Variants in GDA observed in about 807,000 individuals in gnomAD.
GDA encodes cytoplasmic PSD-95 interactor.
In GDA, 18 loss-of-function variants were observed where a neutral mutation model predicts 59.6. The ratio of observed to expected loss-of-function variants is 0.30; its 90% confidence interval spans 0.21 to 0.45. The LOEUF (loss-of-function observed/expected upper bound fraction) is 0.45. Ranked by LOEUF, GDA falls within the 20% of genes least tolerant of loss-of-function variation. The probability of loss-of-function intolerance (pLI) is 1.00; values close to 1 mark genes in which losing one functional copy is unlikely to be tolerated. For synonymous variants in GDA, 201 were observed against 201.1 expected, an observed-to-expected ratio of 1.00 and a Z score of 0.00; for missense variants, 427 against 552.3, an observed-to-expected ratio of 0.77 and a Z score of 2.27.
At chr9:72,237,615 C>T (rs1414146054) in intron 10 of GDA, among the ~76,000 whole-genome samples, 1 of 152,132 alleles carries the variant, frequency 6.6e-6, no homozygotes, top group Non-Finnish European at 1.5e-5. Flanking sequence ...GCCCAGACTT[C>T]TCTGAATTCT....
intron 1 of GDA, among the ~76,000 whole-genome samples, chr9:72,173,175 G>A (rs1417367923): frequency 6.6e-6 from 1 of 152,076 alleles, no homozygotes; most frequent in African/African-American, 2.4e-5. Context: ...CTCTAGAGGG[G>A]AATCTCTAGA....
chr9:72,246,719 G>T (rs1239057453), intron 12 of GDA, among the ~76,000 whole-genome samples: 1 of 147,420 alleles, frequency 6.8e-6, no homozygotes, highest in Non-Finnish European at 1.5e-5. Context: ...ACCTGCATTG[G>T]GGTAAGGGGT....
chr9:72,216,782 TCTC>T (rs1836189289), intron 5 of GDA, among the ~76,000 whole-genome samples: 1 of 152,058 alleles, frequency 6.6e-6, no homozygotes, highest in Non-Finnish European at 1.5e-5. Context: ...TTCATGCCAT[TCTC>T]CTGCCTCAGC....
chr9:72,226,643 G>A (rs1447453690), intron 8 of GDA, among the ~76,000 whole-genome samples: 1 of 152,178 alleles, frequency 6.6e-6, no homozygotes. Context: ...CTTAGTGACT[G>A]TGTGAATGGA....
intron 1 of GDA, among the ~76,000 whole-genome samples, chr9:72,129,916 C>T (rs540764636): frequency 1.8e-4 from 28 of 152,240 alleles, no homozygotes; most frequent in Non-Finnish European, 3.7e-4. Context: ...CTCAATCTTG[C>T]CAACAAGATG....
intron 1 of GDA, among the ~76,000 whole-genome samples, chr9:72,132,372 C>G (rs1025325417): frequency 9.2e-5 from 14 of 152,122 alleles, no homozygotes; most frequent in African/African-American, 3.4e-4. Flanking sequence ...TAATAATACC[C>G]TGGCAGGGAC....
intron 10 of GDA, among the ~76,000 whole-genome samples, chr9:72,231,876 G>A (rs752461522): frequency 6.6e-5 from 10 of 152,192 alleles, no homozygotes; most frequent in Non-Finnish European, 1.0e-4. Context: ...TTGAGAATTC[G>A]GATGTATGTT....
At chr9:72,210,438 C>T (rs568548631) in intron 3 of GDA, among the ~76,000 whole-genome samples, 3 of 152,150 alleles carry the variant, frequency 2.0e-5, no homozygotes, top group Admixed American at 6.5e-5. Flanking sequence ...ATTAGTATCA[C>T]ATTTTAATGA....
intron 2 of GDA, among the ~76,000 whole-genome samples, chr9:72,201,405 T>A (rs541773392): frequency 6.6e-6 from 1 of 152,300 alleles, no homozygotes; most frequent in African/African-American, 2.4e-5. Flanking sequence ...TTATAATAAC[T>A]GACTACAAAA....
downstream of GDA, among the ~76,000 whole-genome samples, chr9:72,255,695 G>A (rs1028227420): frequency 6.6e-6 from 1 of 152,146 alleles, no homozygotes; most frequent in South Asian, 2.1e-4. Context: ...AACGTGTCCT[G>A]GCATAATGCA....
chr9:72,190,514 T>C (rs1320349143), intron 1 of GDA, among the ~76,000 whole-genome samples: 1 of 152,216 alleles, frequency 6.6e-6, no homozygotes, highest in African/African-American at 2.4e-5. Context: ...AACTTTATGT[T>C]GATTATGTCG....
At chr9:72,149,345 C>G, upstream of GDA, 1 of 547,676 alleles carries the variant, frequency 1.8e-6, no homozygotes, top group South Asian at 2.2e-5. Context: ...GGAGCCAACT[C>G]GCGGGAGAAA....
intron 1 of GDA, among the ~76,000 whole-genome samples, chr9:72,173,803 A>G (rs970916471): frequency 1.3e-5 from 2 of 151,836 alleles, no homozygotes; most frequent in African/African-American, 4.8e-5. Flanking sequence ...TTTTGTCCTC[A>G]TTTTCTCATT....
chr9:72,139,634 C>A (rs1826371301), intron 1 of GDA, among the ~76,000 whole-genome samples: 1 of 151,808 alleles, frequency 6.6e-6, no homozygotes, highest in Non-Finnish European at 1.5e-5. Flanking sequence ...AGATTGCATG[C>A]AGTATAGGGA....
At chr9:72,157,721 A>G in intron 1 of GDA, among the ~76,000 whole-genome samples, 1 of 152,216 alleles carries the variant, frequency 6.6e-6, no homozygotes, top group Non-Finnish European at 1.5e-5. Context: ...CTACTCTTCT[A>G]TAACCATCTA....
chr9:72,124,366 A>C (rs1217699598), intron 1 of GDA, among the ~76,000 whole-genome samples: 3 of 152,230 alleles, frequency 2.0e-5, no homozygotes, highest in African/African-American at 4.8e-5. Context: ...CCAAGAAAGC[A>C]AAAAATGCTG....
intron 1 of GDA, among the ~76,000 whole-genome samples, chr9:72,176,074 A>G (rs1830511172): frequency 6.6e-6 from 1 of 152,226 alleles, no homozygotes; most frequent in Non-Finnish European, 1.5e-5. Context: ...GCTTGAGCTC[A>G]GGAGGTAAGA....
intron 10 of GDA, among the ~76,000 whole-genome samples, chr9:72,238,022 C>A (rs1010704484): frequency 5.9e-5 from 9 of 152,196 alleles, no homozygotes; most frequent in Admixed American, 5.2e-4. Flanking sequence ...GATCATGTCA[C>A]CCCCTTGTGC....
At chr9:72,192,816 GT>G (rs1052637407) in intron 1 of GDA, among the ~76,000 whole-genome samples, 1 of 151,880 alleles carries the variant, frequency 6.6e-6, no homozygotes, top group African/African-American at 2.4e-5. Flanking sequence ...CGAGGTGGAG[GT>G]TGCAGTGAGC....
Sources: allele counts gnomAD v4.1 joint callset (sites outside exome capture counted in the v4.1 genomes callset), GRCh38; gene constraint gnomAD v4.1.1; transcripts MANE v1.5; gene names NCBI Gene and HGNC (gene_info 2026-07-23, HGNC 2026-07-21).